KIF26B: variants seen among roughly 807,000 people sequenced by gnomAD.
The protein encoded by KIF26B is kinesin-like protein KIF26B.
Under a neutral mutation model 151.2 loss-of-function variants are expected in KIF26B, and 63 were observed. The ratio of observed to expected loss-of-function variants is 0.42; its 90% CI spans 0.34 to 0.51. The LOEUF is 0.51. Among genes scored for constraint, KIF26B ranks in the 20% least tolerant of loss-of-function variants. The probability of loss-of-function intolerance (pLI) is 0.07; values close to 1 mark genes in which losing one functional copy is unlikely to be tolerated. For synonymous variants in KIF26B, 1,357 were observed against 1,262.1 expected, an observed-to-expected ratio of 1.08 and a Z score of -1.59; for missense variants, 2,813 against 2,913.6, an observed-to-expected ratio of 0.97 and a Z score of 0.79.
At chr1:245,473,906 A>T (rs1572080171) in intron 4 of KIF26B, among the ~76,000 whole-genome samples, 1 of 151,936 alleles carries the variant, frequency 6.6e-6, no homozygotes. Context: ...TAATAGAGGT[A>T]CATATTTTGG....
intron 4 of KIF26B, among the ~76,000 whole-genome samples, chr1:245,514,748 G>A (rs1040726872): frequency 1.7e-4 from 26 of 152,140 alleles, no homozygotes; most frequent in Admixed American, 3.3e-4. Flanking sequence ...ACATCTGAAT[G>A]TAGTAGAACC....
chr1:245,649,881 G>C (rs2043996096), intron 10 of KIF26B, among the ~76,000 whole-genome samples: 1 of 152,204 alleles, frequency 6.6e-6, no homozygotes, highest in African/African-American at 2.4e-5. Context: ...AGTGAGTTTG[G>C]ATTCATTACC....
intron 2 of KIF26B, among the ~76,000 whole-genome samples, chr1:245,364,422 C>CT (rs763619030): frequency 0.043 from 4,211 of 98,914 alleles, 216 homozygotes; most frequent in Middle Eastern, 0.063. Context: ...CTCTCTCTCT[C>CT]TTTTTTTTTT....
chr1:245,373,193 T>C (rs935127423), intron 3 of KIF26B, among the ~76,000 whole-genome samples: 2 of 152,190 alleles, frequency 1.3e-5, no homozygotes, highest in Non-Finnish European at 2.9e-5. Context: ...CGTGAAAATG[T>C]TGTTCTTTAT....
At position 245,688,302 on chromosome 1, in the gene KIF26B, G is replaced by GT; in HGVS notation, c.5319_5320insT (p.Pro1774SerfsTer215). On this transcript the variant is annotated frameshift_variant, in exon 12 of 15. Coordinates refer to ENST00000407071, the MANE Select transcript of KIF26B (RefSeq NM_018012.4). LOFTEE classifies it high-confidence loss of function. Reference sequence around the variant, plus strand: ...AGGCGGTGGGCCAGGGCTCCAGCTCGCCCCCCGGTGGGAAGCACACGCCCT... The same window carrying GT: ...AGGCGGTGGGCCAGGGCTCCAGCTCGTCCCCCCGGTGGGAAGCACACGCCCT... 1 of 1,595,656 alleles carries GT rather than the reference G, an allele frequency of 6.3e-7. No individual in the cohort carries two copies. Among genetic ancestry groups the GT allele is most frequent in the Non-Finnish European group, 8.5e-7 (1 of 1,178,062 alleles).
At chr1:245,229,396 T>C (rs1306640787) in intron 2 of KIF26B, among the ~76,000 whole-genome samples, 1 of 152,050 alleles carries the variant, frequency 6.6e-6, no homozygotes, top group Non-Finnish European at 1.5e-5. Flanking sequence ...CTGCCTGGAG[T>C]GATGAGGGTA....
At chr1:245,296,271 A>G (rs1216204814) in intron 2 of KIF26B, among the ~76,000 whole-genome samples, 2 of 151,912 alleles carry the variant, frequency 1.3e-5, no homozygotes, top group Non-Finnish European at 2.9e-5. Context: ...CTTAGGAGCA[A>G]GTGACTAATA....
At chr1:245,306,096 T>A (rs1482467030) in intron 2 of KIF26B, among the ~76,000 whole-genome samples, 3 of 152,170 alleles carry the variant, frequency 2.0e-5, no homozygotes, top group Non-Finnish European at 4.4e-5. Flanking sequence ...ACCTTGTACA[T>A]GAATGTTTAT....
In KIF26B at chr1:245,690,182, T is replaced by TA. The variant is rs549396956; in HGVS notation, c.5824+1384dup. Among the ~76,000 whole-genome samples, 104 of 151,636 alleles carry TA rather than the reference T, an allele frequency of 6.9e-4. 1 individual carries two copies. Among genetic ancestry groups the TA allele is most frequent in the Non-Finnish European group, 1.1e-3 (76 of 67,856 alleles). On this transcript the variant is annotated intron_variant, in intron 12 of 14. Coordinates refer to ENST00000407071, the MANE Select transcript of KIF26B (RefSeq NM_018012.4). ...TACCCCTGCTCATCCTTTAAGGGCT[T>TA]AAAAAAAAATAAATGAAATTTACGC...
chr1:245,586,806 A>G (rs1422734622), intron 5 of KIF26B, among the ~76,000 whole-genome samples: 1 of 151,270 alleles, frequency 6.6e-6, no homozygotes, highest in Non-Finnish European at 1.5e-5. Flanking sequence ...GAATGGCGTG[A>G]ACCCGGGAAG....
Position 245,155,161 on chromosome 1 carries a change from G to C in KIF26B, c.-264G>C, listed in dbSNP as rs1369549429. 1.8e-6 allele frequency: 1 copy of C among 549,282 alleles called. No individual in the cohort carries two copies. Among genetic ancestry groups the C allele is most frequent in the African/African-American group, 2.0e-5 (1 of 50,770 alleles). 34.0% of individuals were successfully genotyped at this position (549,282 alleles called of 1,614,324 possible). A position where few individuals can be genotyped will look rare whatever the true frequency, so the allele number is the denominator to read the frequency against. On this transcript the variant is annotated 5_prime_UTR_variant, in exon 1 of 15. Coordinates refer to ENST00000407071, the MANE Select transcript of KIF26B (RefSeq NM_018012.4). The stretch of plus-strand genomic sequence containing the variant: ...GTGGATGTGGCCGTGACAAGAGGAC[G>C]TGCGGCTGGAAGAGGCAGAAGGGGA...
At chr1:245,531,168 T>C (rs1003980063) in intron 4 of KIF26B, among the ~76,000 whole-genome samples, 1 of 152,254 alleles carries the variant, frequency 6.6e-6, no homozygotes, top group South Asian at 2.1e-4. Flanking sequence ...TAAGTGCTTA[T>C]GTATAATATG....
At position 245,540,634 on chromosome 1, in the gene KIF26B, A is replaced by G. The variant is rs890761027; in HGVS notation, c.1167-133A>G. The G allele has an allele frequency of 2.0e-5, 16 of 819,856 alleles. No individual in the cohort carries two copies. Among genetic ancestry groups the G allele is most frequent in the East Asian group, 7.2e-5 (3 of 41,380 alleles). The allele number at this position is 819,856 out of a possible 1,614,324, so 50.8% of individuals were successfully genotyped here. ...TTATAGTAAGGGACTGCTACAGAGGACACTGAGCAGGAGGAGAGAAGGAAT... is the reference window on the plus strand; with the variant it reads ...TTATAGTAAGGGACTGCTACAGAGGGCACTGAGCAGGAGGAGAGAAGGAAT... On this transcript the variant is annotated intron_variant, in intron 4 of 14. Coordinates refer to ENST00000407071, the MANE Select transcript of KIF26B (RefSeq NM_018012.4). The surrounding 1 kb of genome is among the most constrained non-coding windows in gnomAD (Gnocchi z 4.6).
intron 10 of KIF26B, among the ~76,000 whole-genome samples, chr1:245,675,755 A>T (rs928730004): frequency 7.2e-5 from 11 of 152,132 alleles, no homozygotes; most frequent in African/African-American, 2.7e-4. Context: ...TGCCATGCAG[A>T]AGTGGCCTTG....
In KIF26B at chr1:245,512,251, A is replaced by G. The variant is rs906694852; in HGVS notation, c.1167-28516A>G. ...TGTCTATCACATTCATACCTCAGGC[A>G]GAGCTACTGTCCCTCCCACCTGTCC... On this transcript the variant is annotated intron_variant, in intron 4 of 14. Coordinates refer to ENST00000407071, the MANE Select transcript of KIF26B (RefSeq NM_018012.4). The surrounding 1 kb of genome is among the most constrained non-coding windows in gnomAD (Gnocchi z 4.3). Among the ~76,000 whole-genome samples, 5 of 152,222 alleles carry G rather than the reference A, an allele frequency of 3.3e-5. No individual in the cohort carries two copies. The highest frequency in any genetic ancestry group is 5.9e-5 in the Non-Finnish European group (4 of 68,040).
chr1:245,401,083 T>C (rs752650502), intron 3 of KIF26B, among the ~76,000 whole-genome samples: 1 of 152,192 alleles, frequency 6.6e-6, no homozygotes, highest in Non-Finnish European at 1.5e-5. Flanking sequence ...AATTGAATCT[T>C]TTTGTTTAAT....
intron 4 of KIF26B, among the ~76,000 whole-genome samples, chr1:245,424,705 A>T (rs1658578525): frequency 6.6e-6 from 1 of 152,152 alleles, no homozygotes; most frequent in Admixed American, 6.5e-5. Flanking sequence ...TGATGGAATA[A>T]TTTTCTGTCT....
chr1:245,506,700 G>A (rs970806220), intron 4 of KIF26B, among the ~76,000 whole-genome samples: 9 of 152,252 alleles, frequency 5.9e-5, no homozygotes, highest in Middle Eastern at 3.4e-3. Context: ...TTTGTTTTGT[G>A]ACAAAGTTTC....
intron 9 of KIF26B, among the ~76,000 whole-genome samples, chr1:245,623,405 G>T (rs971401822): frequency 6.6e-6 from 1 of 152,038 alleles, no homozygotes; most frequent in African/African-American, 2.4e-5. Flanking sequence ...TCATTTCATT[G>T]CCTGTATCAA....
Sources: allele counts gnomAD v4.1 joint callset (sites outside exome capture counted in the v4.1 genomes callset), GRCh38; gene constraint gnomAD v4.1.1; non-coding constraint Gnocchi (gnomAD v3.1); transcripts MANE v1.5; gene names NCBI Gene and HGNC (gene_info 2026-07-23, HGNC 2026-07-21).